DYM: variants seen among roughly 807,000 people sequenced by gnomAD.
DYM encodes the protein dymeclin.
In DYM, 78 loss-of-function variants were observed where a neutral mutation model predicts 93.1. That is an observed-to-expected ratio of 0.84 (90% CI 0.70 to 1.01). The LOEUF is 1.01. Ranked by LOEUF, DYM falls within the 50% of genes least tolerant of loss-of-function variation. DYM has a pLI of 0.00. For missense variants in DYM, 789 were observed against 845.0 expected, an observed-to-expected ratio of 0.93 and a Z score of 0.82; for synonymous variants, 321 against 319.7, an observed-to-expected ratio of 1.00 and a Z score of -0.04.
chr18:49,208,998 AT>A (rs2092657462), intron 14 of DYM, among the ~76,000 whole-genome samples: 1 of 152,210 alleles, frequency 6.6e-6, no homozygotes, highest in African/African-American at 2.4e-5. Context: ...ACATTCATCC[AT>A]GACACATTGC....
intron 13 of DYM, among the ~76,000 whole-genome samples, chr18:49,235,052 T>C (rs1459452460): frequency 6.6e-6 from 1 of 152,172 alleles, no homozygotes; most frequent in Non-Finnish European, 1.5e-5. Context: ...CCTCCCAATA[T>C]GAACCCAGCA....
chr18:49,352,819 A>G (rs2065223972), intron 6 of DYM, among the ~76,000 whole-genome samples: 1 of 152,220 alleles, frequency 6.6e-6, no homozygotes, highest in Non-Finnish European at 1.5e-5. Context: ...AACTGACAGT[A>G]TCTAGTGATT....
intron 15 of DYM, among the ~76,000 whole-genome samples, chr18:49,146,615 A>G (rs1335644110): frequency 6.6e-6 from 1 of 152,208 alleles, no homozygotes; most frequent in African/African-American, 2.4e-5. Context: ...AGAGAATAAA[A>G]TATCTAGGAA....
intron 6 of DYM, among the ~76,000 whole-genome samples, chr18:49,355,260 T>A (rs1437959450): frequency 1.3e-5 from 2 of 151,910 alleles, no homozygotes; most frequent in Non-Finnish European, 2.9e-5. Context: ...TGTATAGATA[T>A]CAATAGATAT....
At chr18:49,112,207 T>G (rs2081486212) in intron 16 of DYM, among the ~76,000 whole-genome samples, 1 of 136,150 alleles carries the variant, frequency 7.3e-6, no homozygotes, top group South Asian at 2.5e-4. Context: ...GGCAGGGGAA[T>G]GATGCTACGC....
intron 6 of DYM, among the ~76,000 whole-genome samples, chr18:49,348,270 G>C (rs1599590011): frequency 6.6e-6 from 1 of 152,258 alleles, no homozygotes; most frequent in Middle Eastern, 3.4e-3. Context: ...CCAAAATTTA[G>C]AAATATCAAT....
chr18:49,374,281 C>A (rs2067290637), intron 5 of DYM, among the ~76,000 whole-genome samples: 1 of 152,140 alleles, frequency 6.6e-6, no homozygotes, highest in African/African-American at 2.4e-5. Context: ...TCCTCAAAAT[C>A]CTTGATTAAG....
intron 10 of DYM, among the ~76,000 whole-genome samples, chr18:49,281,304 C>T (rs1259214974): frequency 6.6e-6 from 1 of 152,174 alleles, no homozygotes; most frequent in Non-Finnish European, 1.5e-5. Flanking sequence ...CAGGAAACAA[C>T]AGGTGCTGGA....
intron 16 of DYM, among the ~76,000 whole-genome samples, chr18:49,107,205 T>G (rs1329466333): frequency 1.3e-5 from 2 of 152,250 alleles, no homozygotes; most frequent in African/African-American, 2.4e-5. Flanking sequence ...AAGTGGCTAC[T>G]GAGGCTTGTG....
chr18:49,197,918 G>A (rs764890953), intron 14 of DYM, among the ~76,000 whole-genome samples: 10 of 152,240 alleles, frequency 6.6e-5, no homozygotes, highest in East Asian at 1.9e-4. Context: ...AGCCCGCATC[G>A]CCAAGTCAAT....
intron 6 of DYM, among the ~76,000 whole-genome samples, chr18:49,356,099 C>A (rs1050212088): frequency 6.6e-6 from 1 of 151,634 alleles, no homozygotes; most frequent in South Asian, 2.1e-4. Context: ...TGGATTATGT[C>A]TGAAAAGAAA....
intron 6 of DYM, among the ~76,000 whole-genome samples, chr18:49,356,650 C>T (rs867193971): frequency 1.3e-5 from 2 of 152,254 alleles, no homozygotes; most frequent in Non-Finnish European, 2.9e-5. Context: ...CCTGTACCTT[C>T]ACTCTCTTCC....
rs573133092 is a variant in DYM at position 49,457,392 on chromosome 18, C to T, written c.-54+3006G>A. On this transcript the variant is annotated intron_variant, in intron 1 of 17. Coordinates refer to ENST00000675505, the MANE Select transcript of DYM (RefSeq NM_001353214.3). ...CATGAATATGAAAAAGAGACCAAAACGAAATATAGAAAAACTTTACATGGA... is the reference window on the plus strand; with the variant it reads ...CATGAATATGAAAAAGAGACCAAAATGAAATATAGAAAAACTTTACATGGA... Among the ~76,000 whole-genome samples, 4 of 152,190 alleles carry T rather than the reference C, an allele frequency of 2.6e-5. No homozygotes were observed. In the South Asian group the frequency reaches 6.2e-4, roughly 24 times the overall value.
intron 1 of DYM, among the ~76,000 whole-genome samples, chr18:49,445,164 A>G (rs1003286205): frequency 6.6e-6 from 1 of 152,222 alleles, no homozygotes; most frequent in South Asian, 2.1e-4. Context: ...TAATGAAATA[A>G]TTAAATAATT....
intron 2 of DYM, among the ~76,000 whole-genome samples, chr18:49,398,920 T>G (rs753354969): frequency 3.3e-5 from 5 of 152,202 alleles, no homozygotes; most frequent in Non-Finnish European, 5.9e-5. Context: ...TTTATGAAAT[T>G]AATAACTAGA....
At chr18:49,246,555 G>T (rs1168270695) in intron 13 of DYM, among the ~76,000 whole-genome samples, 3 of 152,002 alleles carry the variant, frequency 2.0e-5, no homozygotes, top group Non-Finnish European at 4.4e-5. Context: ...AGATGACTTG[G>T]TTTTTTGTCT....
intron 8 of DYM, among the ~76,000 whole-genome samples, chr18:49,296,063 T>G (rs1238753979): frequency 1.3e-5 from 2 of 152,074 alleles, no homozygotes; most frequent in South Asian, 4.1e-4. Flanking sequence ...CTGGGATTAG[T>G]AGTGGGTGGC....
chr18:49,416,095 T>C (rs974354950), intron 2 of DYM, among the ~76,000 whole-genome samples: 1 of 152,228 alleles, frequency 6.6e-6, no homozygotes, highest in Non-Finnish European at 1.5e-5. Context: ...TTCTGCTGCT[T>C]ATTTTCATTC....
intron 2 of DYM, among the ~76,000 whole-genome samples, chr18:49,408,063 C>CA (rs34147044): frequency 0.62 from 77,447 of 125,470 alleles, 22,698 homozygotes; most frequent in Non-Finnish European, 0.67. Flanking sequence ...GACCTCATCT[C>CA]AAAAAAAAAA....
Sources: allele counts gnomAD v4.1 joint callset (sites outside exome capture counted in the v4.1 genomes callset), GRCh38; gene constraint gnomAD v4.1.1; transcripts MANE v1.5; gene names NCBI Gene and HGNC (gene_info 2026-07-23, HGNC 2026-07-21).